The following ABI3BP variants were observed in gnomAD, a reference collection of about 807,000 sequenced individuals.
ABI3BP encodes the protein ABI family member 3 binding protein.
In ABI3BP, 216 loss-of-function variants were observed where a neutral mutation model predicts 268.6. That is an observed-to-expected ratio of 0.80 (90% CI 0.72 to 0.90). The LOEUF is 0.90. Among genes scored for constraint, ABI3BP ranks in the 40% least tolerant of loss-of-function variants. The pLI, the probability that ABI3BP is intolerant of heterozygous loss-of-function variation, is 0.00. For missense variants in ABI3BP, 2,090 were observed against 2,182.4 expected, an observed-to-expected ratio of 0.96 and a Z score of 0.84; for synonymous variants, 730 against 730.0, an observed-to-expected ratio of 1.00 and a Z score of 0.00.
intron 2 of ABI3BP, chr3:100,914,545 T>C (rs899620531): frequency 1.7e-5 from 7 of 408,920 alleles, no homozygotes; most frequent in South Asian, 5.3e-5. Flanking sequence ...CAGCTCATGT[T>C]GGTGCGGATG....
chr3:100,829,391 G>A (rs1004119099), intron 33 of ABI3BP, among the ~76,000 whole-genome samples, 190 bp downstream of exon 33: 5 of 152,140 alleles, frequency 3.3e-5, no homozygotes, highest in African/African-American at 1.2e-4. Context: ...AGAATTGAAT[G>A]AGAAGTAAAT....
At chr3:100,819,544 T>C (rs547322119) in intron 40 of ABI3BP, among the ~76,000 whole-genome samples, 1 of 152,290 alleles carries the variant, frequency 6.6e-6, no homozygotes, top group African/African-American at 2.4e-5. Context: ...CTCACAGTTG[T>C]TGATGTGGCT....
Position 100,846,450 on chromosome 3 carries a change from G to A in ABI3BP, c.1649-4C>T. ...ATAAATTGTGTTTTACCGGGAGCTGGAAAAATAAAGAAACAAAATAATAAA... is the reference window on the plus strand; with the variant it reads ...ATAAATTGTGTTTTACCGGGAGCTGAAAAAATAAAGAAACAAAATAATAAA... On this transcript the variant is annotated splice_polypyrimidine_tract_variant and splice_region_variant and intron_variant, in intron 19 of 67. Transcript: ENST00000471714. 2 of 1,565,924 alleles carry A rather than the reference G, an allele frequency of 1.3e-6. No homozygotes were observed. The highest frequency in any genetic ancestry group is 1.9e-5 in the Admixed American group (1 of 53,560).
chr3:100,751,840 CAGGGATT>C (rs2095346704), intron 66 of ABI3BP, among the ~76,000 whole-genome samples, 166 bp from the exon 67 acceptor site: 1 of 152,192 alleles, frequency 6.6e-6, no homozygotes, highest in African/African-American at 2.4e-5. Flanking sequence ...CCCTCCCTTT[CAGGGATT>C]AGTGATCTTT....
At chr3:100,807,651 A>G (rs909686809) in intron 50 of ABI3BP, among the ~76,000 whole-genome samples, 1 of 151,976 alleles carries the variant, frequency 6.6e-6, no homozygotes, top group African/African-American at 2.4e-5. Flanking sequence ...GGAATCCAGA[A>G]TCACTACCTG....
At chr3:100,965,025 G>C (rs550166627) in intron 1 of ABI3BP, among the ~76,000 whole-genome samples, 1 of 148,714 alleles carries the variant, frequency 6.7e-6, no homozygotes, top group Non-Finnish European at 1.5e-5. Flanking sequence ...AACCCAAACT[G>C]CATTATTTAA....
chr3:100,781,593 A>C (rs1034459678), intron 57 of ABI3BP, among the ~76,000 whole-genome samples: 1 of 152,126 alleles, frequency 6.6e-6, no homozygotes, highest in African/African-American at 2.4e-5. Flanking sequence ...TGTGAACAGC[A>C]TAGGGAATTG....
intron 1 of ABI3BP, among the ~76,000 whole-genome samples, chr3:100,980,917 C>T (rs2089054269): frequency 6.6e-6 from 1 of 152,218 alleles, no homozygotes; most frequent in Non-Finnish European, 1.5e-5. Flanking sequence ...AAATATCAAA[C>T]TCCAACTACA....
intron 1 of ABI3BP, among the ~76,000 whole-genome samples, chr3:100,971,396 A>G (rs1266291787): frequency 6.6e-6 from 1 of 152,216 alleles, no homozygotes; most frequent in Non-Finnish European, 1.5e-5. Flanking sequence ...GTGTTTCAAG[A>G]GAATAAGTAT....
intron 4 of ABI3BP, among the ~76,000 whole-genome samples, chr3:100,897,268 T>C (rs990943356): frequency 6.6e-6 from 1 of 152,058 alleles, no homozygotes; most frequent in Non-Finnish European, 1.5e-5. Flanking sequence ...ATGGAAAAAT[T>C]AGGCAAAAAA....
At chr3:100,966,801 G>T (rs1359588928) in intron 1 of ABI3BP, among the ~76,000 whole-genome samples, 2 of 152,178 alleles carry the variant, frequency 1.3e-5, no homozygotes, top group African/African-American at 4.8e-5. Flanking sequence ...ATTGATGGCT[G>T]TGAATTCATG....
chr3:100,900,851 A>G (rs2049972086), intron 3 of ABI3BP, among the ~76,000 whole-genome samples: 1 of 152,204 alleles, frequency 6.6e-6, no homozygotes, highest in Non-Finnish European at 1.5e-5. Flanking sequence ...AAAGTAAACA[A>G]TAATTTCTAA....
chr3:100,787,336 A>T (rs1056374564), intron 57 of ABI3BP, among the ~76,000 whole-genome samples: 1 of 152,190 alleles, frequency 6.6e-6, no homozygotes, highest in Non-Finnish European at 1.5e-5. Context: ...ATTCAAAAAA[A>T]ATTTTAATGG....
chr3:100,825,921 C>T, intron 34 of ABI3BP, 77 bp from the exon 35 acceptor site: 1 of 1,055,222 alleles, frequency 9.5e-7, no homozygotes, highest in African/African-American at 1.6e-5. Flanking sequence ...ACGTATCTTG[C>T]TTGTGTAACA....
At chr3:100,819,536 C>G (rs79378797) in intron 40 of ABI3BP, among the ~76,000 whole-genome samples, 1,555 of 152,156 alleles carry the variant, frequency 0.01, 33 homozygotes, top group African/African-American at 0.035. Context: ...GTGATAGCCT[C>G]ACAGTTGTTG....
chr3:100,989,594 C>T (rs950365679), intron 1 of ABI3BP, among the ~76,000 whole-genome samples: 14 of 152,304 alleles, frequency 9.2e-5, no homozygotes, highest in Admixed American at 6.5e-4. Flanking sequence ...CTCTGGCCAT[C>T]AGATTACACT....
chr3:100,760,752 T>A (rs189125344), intron 63 of ABI3BP, among the ~76,000 whole-genome samples: 1 of 152,324 alleles, frequency 6.6e-6, no homozygotes, highest in East Asian at 1.9e-4. Context: ...ATCATAGTGG[T>A]CTTTGCAAAG....
At chr3:100,917,376 AT>A (rs1561632009) in intron 2 of ABI3BP, among the ~76,000 whole-genome samples, 1 of 152,234 alleles carries the variant, frequency 6.6e-6, no homozygotes, top group African/African-American at 2.4e-5. Context: ...AATGTAAAAT[AT>A]TTAAAGGAAA....
At chr3:100,985,948 T>C (rs2091632730) in intron 1 of ABI3BP, among the ~76,000 whole-genome samples, 1 of 152,210 alleles carries the variant, frequency 6.6e-6, no homozygotes, top group Non-Finnish European at 1.5e-5. Flanking sequence ...TTGAGCTCTT[T>C]GTGGTGGATA....
Sources: gnomAD v4.1 joint callset for allele counts (sites outside exome capture counted in the v4.1 genomes callset) on GRCh38, gnomAD v4.1.1 for gene constraint, MANE v1.5 for transcripts, NCBI Gene and HGNC (gene_info 2026-07-23, HGNC 2026-07-21) for gene names.